ENTREP2: variants seen among roughly 807,000 people sequenced by gnomAD.
ENTREP2 encodes the protein endosomal transmembrane epsin interactor 2, also known as protein ENTREP2.
chr15:29,445,411 C>A, the ENTREP2 span, among the ~76,000 whole-genome samples: 1 of 152,086 alleles, frequency 6.6e-6, no homozygotes, highest in Non-Finnish European at 1.5e-5. Flanking sequence ...ACAATCCCAC[C>A]ACCACCCCTC....
the ENTREP2 span, among the ~76,000 whole-genome samples, chr15:29,567,096 C>T: frequency 2.6e-5 from 4 of 152,190 alleles, no homozygotes; most frequent in Admixed American, 1.3e-4. Context: ...ATGGGCAGGA[C>T]ATCTATCCAC....
the ENTREP2 span, among the ~76,000 whole-genome samples, chr15:29,563,425 T>C: frequency 1.3e-5 from 2 of 152,234 alleles, no homozygotes; most frequent in African/African-American, 4.8e-5. Flanking sequence ...CCCATGTTCC[T>C]TCTAATTAAG....
chr15:29,528,121 G>C, the ENTREP2 span, among the ~76,000 whole-genome samples: 36 of 152,228 alleles, frequency 2.4e-4, 1 homozygote, highest in African/African-American at 7.7e-4. Context: ...ACCTCCTGGT[G>C]AACAGACGCA....
At chr15:29,134,895 C>T in the ENTREP2 span, among the ~76,000 whole-genome samples, 2 of 152,246 alleles carry the variant, frequency 1.3e-5, no homozygotes, top group Admixed American at 6.5e-5. Context: ...GCTAGGGTGT[C>T]TTTACAGGAG....
At chr15:29,555,661 C>T in the ENTREP2 span, among the ~76,000 whole-genome samples, 24 of 152,292 alleles carry the variant, frequency 1.6e-4, no homozygotes, top group Middle Eastern at 3.4e-3. Flanking sequence ...CCCCCACCTG[C>T]GCCAGGCAGG....
the ENTREP2 span, among the ~76,000 whole-genome samples, chr15:29,495,274 G>GTATT: frequency 6.6e-5 from 10 of 152,244 alleles, no homozygotes; most frequent in Admixed American, 1.3e-4. Flanking sequence ...GTTTTGATTT[G>GTATT]TATTTCCCTG....
the ENTREP2 span, among the ~76,000 whole-genome samples, chr15:29,448,763 T>G: frequency 6.6e-6 from 1 of 152,254 alleles, no homozygotes; most frequent in African/African-American, 2.4e-5. Context: ...GAAATTAGAT[T>G]GCTCAACCAG....
chr15:29,168,895 C>G, the ENTREP2 span, among the ~76,000 whole-genome samples: 1 of 152,208 alleles, frequency 6.6e-6, no homozygotes, highest in Non-Finnish European at 1.5e-5. Flanking sequence ...AATTGAAAAC[C>G]TGGCTTTTGT....
chr15:29,311,867 A>G, the ENTREP2 span, among the ~76,000 whole-genome samples: 1 of 152,224 alleles, frequency 6.6e-6, no homozygotes, highest in Non-Finnish European at 1.5e-5. Context: ...ATTACTCCAA[A>G]TACAGTTCAT....
the ENTREP2 span, chr15:29,137,036 C>G: frequency 2.1e-6 from 3 of 1,434,622 alleles, no homozygotes; most frequent in African/African-American, 1.5e-5. Context: ...AGACCAACCT[C>G]TGGGCCTCAG....
chr15:29,551,911 A>T, the ENTREP2 span, among the ~76,000 whole-genome samples: 5 of 152,134 alleles, frequency 3.3e-5, no homozygotes, highest in African/African-American at 1.2e-4. Flanking sequence ...TCCAGAGAAT[A>T]AGTAGCATTT....
At chr15:29,269,734 T>A in the ENTREP2 span, 89 of 1,460,990 alleles carry the variant, frequency 6.1e-5, no homozygotes, top group African/African-American at 6.0e-5. Context: ...CGGCGCACAC[T>A]CCGGTAGGCA....
the ENTREP2 span, among the ~76,000 whole-genome samples, chr15:29,503,909 G>A: frequency 0.011 from 1,720 of 152,110 alleles, 29 homozygotes; most frequent in African/African-American, 0.04. Flanking sequence ...GACTAAATTT[G>A]TATTTACAAT....
At chr15:29,518,117 G>A in the ENTREP2 span, among the ~76,000 whole-genome samples, 1 of 152,094 alleles carries the variant, frequency 6.6e-6, no homozygotes, top group Non-Finnish European at 1.5e-5. Context: ...AGAGGAAATG[G>A]GTAACTTGAG....
the ENTREP2 span, among the ~76,000 whole-genome samples, chr15:29,524,567 A>G: frequency 6.6e-6 from 1 of 152,192 alleles, no homozygotes. Flanking sequence ...AGGTCACGGA[A>G]GAGAACCATG....
the ENTREP2 span, among the ~76,000 whole-genome samples, chr15:29,624,967 G>A: frequency 6.0e-5 from 9 of 149,610 alleles, no homozygotes; most frequent in South Asian, 6.4e-4. Flanking sequence ...ATCAGGATAC[G>A]GAACCATTCT....
At chr15:29,199,549 T>C in the ENTREP2 span, among the ~76,000 whole-genome samples, 1 of 152,194 alleles carries the variant, frequency 6.6e-6, no homozygotes, top group Non-Finnish European at 1.5e-5. Context: ...TCAGTTCTCC[T>C]GGGAAGTTTG....
At chr15:29,587,678 G>C in the ENTREP2 span, among the ~76,000 whole-genome samples, 1 of 151,780 alleles carries the variant, frequency 6.6e-6, no homozygotes, top group East Asian at 1.9e-4. Flanking sequence ...TTTATTTTTT[G>C]AGAGACAGTC....
chr15:29,332,829 G>A, the ENTREP2 span, among the ~76,000 whole-genome samples: 1 of 151,726 alleles, frequency 6.6e-6, no homozygotes, highest in East Asian at 1.9e-4. Context: ...TGTGGTGGTG[G>A]GCGCCTGTAA....
Sources: allele counts gnomAD v4.1 joint callset (sites outside exome capture counted in the v4.1 genomes callset), GRCh38; gene constraint gnomAD v4.1.1; transcripts MANE v1.5; gene names NCBI Gene and HGNC (gene_info 2026-07-23, HGNC 2026-07-21).